The following FRMPD1 variants were observed in gnomAD, a reference collection of about 807,000 sequenced individuals.
FRMPD1 encodes the protein FERM and PDZ domain-containing protein 1.
Under a neutral mutation model 117.8 loss-of-function variants are expected in FRMPD1, and 76 were observed. The observed-to-expected ratio is 0.65, with a 90% CI of 0.54 to 0.78. The LOEUF (loss-of-function observed/expected upper bound fraction) is 0.78, where lower values mean the gene tolerates loss of function less well. FRMPD1 is among the 30% of genes least tolerant of loss of function. FRMPD1 has a pLI of 0.00. For synonymous variants in FRMPD1, 783 were observed against 770.4 expected, an observed-to-expected ratio of 1.02 and a Z score of -0.27; for missense variants, 1,786 against 1,964.5, an observed-to-expected ratio of 0.91 and a Z score of 1.72.
At chr9:37,633,027 A>AT in the FRMPD1 span, among the ~76,000 whole-genome samples, 14,882 of 47,890 alleles carry the variant, frequency 0.31, 908 homozygotes, top group Non-Finnish European at 0.41. Context: ...TTATATATAT[A>AT]TATATTTTTC....
At chr9:37,627,619 A>G in the FRMPD1 span, among the ~76,000 whole-genome samples, 1 of 152,360 alleles carries the variant, frequency 6.6e-6, no homozygotes, top group African/African-American at 2.4e-5. Flanking sequence ...CTACAGGCCC[A>G]TGCCACACCA....
At chr9:37,662,016 T>A (rs1821016693) in intron 1 of FRMPD1, 1 of 153,532 alleles carries the variant, frequency 6.5e-6, no homozygotes, top group Non-Finnish European at 1.5e-5. Flanking sequence ...ACCAGTGGGG[T>A]GACAGATGTC....
chr9:37,736,162 G>A (rs1464060953), intron 13 of FRMPD1, among the ~76,000 whole-genome samples: 1 of 151,956 alleles, frequency 6.6e-6, no homozygotes, highest in Non-Finnish European at 1.5e-5. Flanking sequence ...CACCATGCCC[G>A]GCTAATGTTT....
At chr9:37,665,978 A>T (rs1536258) in intron 1 of FRMPD1, among the ~76,000 whole-genome samples, 95,563 of 151,988 alleles carry the variant, frequency 0.63, 31,727 homozygotes, top group African/African-American at 0.85. Context: ...GGGTAGAATC[A>T]CTTTGAATAT....
chr9:37,744,620 T>C lies in FRMPD1; in HGVS notation c.2588T>C (p.Val863Ala), dbSNP rs867172643. 10 of 1,613,974 alleles carry C rather than the reference T, an allele frequency of 6.2e-6. No homozygotes were observed. In the Middle Eastern group the frequency reaches 1.2e-3, roughly 186 times the overall value. Residue 863 changes from valine (V) to alanine (A), a missense_variant, in exon 16 of 16, where the codon GTA becomes GCA. Physicochemically the swap from Val to Ala is moderately conservative, Grantham distance 64. Coordinates refer to ENST00000377765, the MANE Select transcript of FRMPD1 (RefSeq NM_014907.3). ...GTGCCATCAGCCTCCCTGGAGAGTG[T>C]AGACGACGTGTGCTACTATGACAGG... Reference protein sequence around the residue: ...PLVPSASLESVDDVCYYDREP... With the variant: ...PLVPSASLESADDVCYYDREP...
chr9:37,746,236 G>C lies in FRMPD1; in HGVS notation c.4204G>C (p.Glu1402Gln). 6.2e-7 allele frequency: 1 copy of C among 1,613,016 alleles called. No individual in the cohort carries two copies. The highest frequency in any genetic ancestry group is 1.1e-5 in the South Asian group (1 of 91,086). ...GTCGAGGAAAAGCCACATCTGGCCA[G>C]AGTACTGCTCCAGGGCACTGAGACA... ...PLSRKSHIWP[E>Q]YCSRALRQLK... The change falls in exon 16 of 16, where the codon GAG (glutamate) becomes CAG (glutamine). Residue 1402 changes from glutamate (E) to glutamine (Q), a missense_variant. Physicochemically the swap from Glu to Gln is conservative, Grantham distance 29 (BLOSUM62 2). Transcript: ENST00000377765.
At chr9:37,632,051 T>C in the FRMPD1 span, among the ~76,000 whole-genome samples, 1 of 152,248 alleles carries the variant, frequency 6.6e-6, no homozygotes. Context: ...CAGTATCTAA[T>C]GTTTTTATAT....
chr9:37,685,459 C>T (rs535470521), intron 1 of FRMPD1, among the ~76,000 whole-genome samples: 178 of 151,440 alleles, frequency 1.2e-3, no homozygotes, highest in South Asian at 2.9e-3. Flanking sequence ...CTGGCTAACA[C>T]GGTGAAACCC....
chr9:37,744,503 G>A lies in FRMPD1; in HGVS notation c.2471G>A (p.Arg824Lys), dbSNP rs1400571391. The A allele has an allele frequency of 1.9e-6, 3 of 1,614,052 alleles. No homozygotes were observed. The highest frequency in any genetic ancestry group is 3.3e-5 in the Admixed American group (2 of 60,006). The change falls in exon 16 of 16, where the codon AGG (arginine) becomes AAG (lysine). Residue 824 changes from arginine to lysine, a missense_variant. Transcript: ENST00000377765. Reference protein sequence around the residue: ...PCGPDGRQPSRRGGVKKYAKT... With the variant: ...PCGPDGRQPSKRGGVKKYAKT... ...GGGCCAGATGGAAGACAGCCAAGCA[G>A]GAGGGGAGGGGTGAAGAAATATGCC...
chr9:37,678,838 G>T (rs1265650399), intron 1 of FRMPD1, among the ~76,000 whole-genome samples: 1 of 152,250 alleles, frequency 6.6e-6, no homozygotes, highest in Non-Finnish European at 1.5e-5. Context: ...CTAATGTTCT[G>T]TGTGAGCCTC....
chr9:37,605,682 TTTTATTTATTTA>T, the FRMPD1 span, among the ~76,000 whole-genome samples: 103 of 143,742 alleles, frequency 7.2e-4, no homozygotes, highest in South Asian at 0.01. Context: ...TCTGGTAGAA[TTTTATTTATTTA>T]TTTATTTATT....
chr9:37,714,167 T>G (rs1375600505), intron 5 of FRMPD1, among the ~76,000 whole-genome samples: 1 of 152,226 alleles, frequency 6.6e-6, no homozygotes, highest in Non-Finnish European at 1.5e-5. Context: ...GTGAAACCAA[T>G]ATGGAAACAG....
intron 1 of FRMPD1, among the ~76,000 whole-genome samples, chr9:37,683,969 C>T (rs1051021995): frequency 3.4e-5 from 5 of 147,986 alleles, no homozygotes; most frequent in Non-Finnish European, 7.4e-5. Context: ...AGGGCCAGAT[C>T]GCAAAAGGCT....
chr9:37,746,274 C>G lies in FRMPD1; in HGVS notation c.4242C>G (p.Thr1414=), dbSNP rs778081540. 2.5e-6 allele frequency: 4 copies of G among 1,612,774 alleles called. No homozygotes were observed. The highest frequency in any genetic ancestry group is 3.4e-6 in the Non-Finnish European group (4 of 1,179,814). The part of the protein sequence containing the change: ...CSRALRQLKA[T]PASTPEGFIQ... Reference sequence around the variant, plus strand: ...GGGCACTGAGACAGCTGAAAGCCACCCCTGCCAGCACCCCTGAGGGCTTCA... The same window carrying G: ...GGGCACTGAGACAGCTGAAAGCCACGCCTGCCAGCACCCCTGAGGGCTTCA... The change falls in exon 16 of 16, where the codon ACC becomes ACG. Residue 1414 remains threonine (T), a synonymous_variant. Transcript: ENST00000377765.
chr9:37,607,756 G>A, the FRMPD1 span, among the ~76,000 whole-genome samples: 1 of 152,222 alleles, frequency 6.6e-6, no homozygotes. Context: ...AAAATTCAAA[G>A]AGATGTGAAA....
chr9:37,685,381 C>A (rs180980064), intron 1 of FRMPD1, among the ~76,000 whole-genome samples: 4 of 152,046 alleles, frequency 2.6e-5, no homozygotes, highest in African/African-American at 9.7e-5. Flanking sequence ...CAGTGGCTCA[C>A]GCCTGTAATC....
chr9:37,607,809 C>T, the FRMPD1 span, among the ~76,000 whole-genome samples: 3 of 152,148 alleles, frequency 2.0e-5, no homozygotes, highest in South Asian at 4.1e-4. Context: ...GTTAGAAGCT[C>T]GCTGCTTCAA....
At chr9:37,637,967 T>TCTTTCTTTCTTTCTTTCTTTC in the FRMPD1 span, among the ~76,000 whole-genome samples, 114 of 55,526 alleles carry the variant, frequency 2.1e-3, 15 homozygotes, top group African/African-American at 6.7e-3. Flanking sequence ...GTGTATGCTT[T>TCTTTCTTTCTTTCTTTCTTTC]CTTTCTTTCT....
At chr9:37,607,448 C>G in the FRMPD1 span, among the ~76,000 whole-genome samples, 1 of 151,592 alleles carries the variant, frequency 6.6e-6, no homozygotes, top group East Asian at 1.9e-4. Context: ...GGAAAAAAAA[C>G]AAGGATTAGG....
Sources: gnomAD v4.1 joint callset for allele counts (sites outside exome capture counted in the v4.1 genomes callset) on GRCh38, gnomAD v4.1.1 for gene constraint, MANE v1.5 for transcripts, NCBI Gene and HGNC (gene_info 2026-07-23, HGNC 2026-07-21) for gene names.